The following RABGAP1 variants were observed in gnomAD, a reference collection of about 807,000 sequenced individuals.
RABGAP1 encodes the protein RAB GTPase activating protein 1.
In RABGAP1, 23 loss-of-function variants were observed where a neutral mutation model predicts 137.6. The ratio of observed to expected loss-of-function variants is 0.17; its 90% CI spans 0.12 to 0.24. The LOEUF (loss-of-function observed/expected upper bound fraction) is 0.24, where lower values mean the gene tolerates loss of function less well. RABGAP1 is among the 10% of genes least tolerant of loss of function. The pLI is 1.00. For synonymous variants in RABGAP1, 451 were observed against 450.7 expected, an observed-to-expected ratio of 1.00 and a Z score of -0.01; for missense variants, 906 against 1,275.8, an observed-to-expected ratio of 0.71 and a Z score of 4.42.
rs939534947 is a variant in RABGAP1 at position 123,089,992 on chromosome 9, G to C, written c.2517+142G>C. 6.2e-6 allele frequency: 5 copies of C among 806,130 alleles called. No homozygotes were observed. In the African/African-American group the frequency reaches 8.7e-5, roughly 14 times the overall value. 49.9% of individuals were successfully genotyped at this position (806,130 alleles called of 1,614,324 possible). On this transcript the variant is annotated intron_variant, in intron 20 of 25. Coordinates refer to ENST00000373647, the MANE Select transcript of RABGAP1 (RefSeq NM_012197.4). ...TTTGAGTTTGCAAATTAGCAAGCAA[G>C]ATCTGTTTTTGCTTCAAACCAGCTG...
intron 1 of RABGAP1, among the ~76,000 whole-genome samples, chr9:122,941,955 C>T (rs1833597144): frequency 6.6e-6 from 1 of 152,244 alleles, no homozygotes; most frequent in African/African-American, 2.4e-5. Flanking sequence ...AGTGTTCCCG[C>T]TACTAGTGCT....
intron 13 of RABGAP1, among the ~76,000 whole-genome samples, chr9:123,053,091 G>A (rs1459992149): frequency 6.6e-6 from 1 of 152,118 alleles, no homozygotes; most frequent in African/African-American, 2.4e-5. Context: ...TCCTTAGATG[G>A]GTTCAGTATT....
At chr9:123,041,171 C>A (rs1381744893) in intron 13 of RABGAP1, among the ~76,000 whole-genome samples, 1 of 152,090 alleles carries the variant, frequency 6.6e-6, no homozygotes, top group Non-Finnish European at 1.5e-5. Context: ...GTTAATACTT[C>A]CAACACTGTA....
intron 6 of RABGAP1, among the ~76,000 whole-genome samples, chr9:122,993,824 C>T (rs764985458): frequency 4.0e-5 from 6 of 150,476 alleles, no homozygotes; most frequent in South Asian, 2.1e-4. Context: ...CTGCCACGCC[C>T]GGCTAATTTT....
chr9:123,092,075 G>C (rs1319348872), intron 21 of RABGAP1, among the ~76,000 whole-genome samples: 1 of 152,170 alleles, frequency 6.6e-6, no homozygotes, highest in Non-Finnish European at 1.5e-5. Context: ...GTCTTGAATA[G>C]GAGCCTTTGT....
intron 19 of RABGAP1, among the ~76,000 whole-genome samples, chr9:123,077,428 A>C (rs2034549806): frequency 2.6e-5 from 4 of 152,188 alleles, no homozygotes; most frequent in Non-Finnish European, 5.9e-5. Flanking sequence ...CTGGAATTAC[A>C]GGAGTGAGCC....
chr9:123,020,057 T>G (rs1391825256), intron 12 of RABGAP1, among the ~76,000 whole-genome samples: 1 of 151,858 alleles, frequency 6.6e-6, no homozygotes, highest in African/African-American at 2.4e-5. Context: ...TTTTTTTTTT[T>G]TAAAGTAGAG....
intron 1 of RABGAP1, among the ~76,000 whole-genome samples, chr9:122,947,661 C>T (rs1197442029): frequency 1.3e-5 from 2 of 152,118 alleles, no homozygotes; most frequent in African/African-American, 4.8e-5. Flanking sequence ...ACGGTAGGCT[C>T]AAATTTGCCT....
intron 1 of RABGAP1, among the ~76,000 whole-genome samples, chr9:122,952,298 G>A (rs1024495095): frequency 5.3e-5 from 8 of 151,282 alleles, no homozygotes; most frequent in Admixed American, 4.6e-4. Flanking sequence ...TCGCTCTGTC[G>A]CCCAGGCTGG....
rs146043660 is a variant in RABGAP1 at position 123,064,291 on chromosome 9, A to G, written c.1795-1057A>G. ...GACTATGTTAATAACTAGAAGTAAC[A>G]TATGCCACTAAAGCTCTTTGAAAAG... On this transcript the variant is annotated intron_variant, in intron 13 of 25. Transcript: ENST00000373647. Among the ~76,000 whole-genome samples the G allele has an allele frequency of 5.3e-5, 8 of 152,348 alleles. No individual in the cohort carries two copies. The South Asian group carries it at 1.2e-3, about 24-fold the overall frequency.
At chr9:122,931,745 C>CT in the RABGAP1 span, among the ~76,000 whole-genome samples, 1 of 152,218 alleles carries the variant, frequency 6.6e-6, no homozygotes, top group African/African-American at 2.4e-5. Context: ...TCGTAAGCGT[C>CT]TGTGGCTCAG....
intron 13 of RABGAP1, among the ~76,000 whole-genome samples, chr9:123,023,914 G>T (rs2031804428): frequency 1.3e-5 from 2 of 151,888 alleles, no homozygotes; most frequent in African/African-American, 4.8e-5. Context: ...TCAAAGACTA[G>T]AGCAGGAAAG....
chr9:123,078,595 T>G (rs1239131953), intron 19 of RABGAP1, among the ~76,000 whole-genome samples: 2 of 152,206 alleles, frequency 1.3e-5, no homozygotes, highest in Non-Finnish European at 1.5e-5. Context: ...CTGAGATTCT[T>G]TGAGTCACTC....
chr9:122,994,240 A>C (rs536292552), intron 6 of RABGAP1, among the ~76,000 whole-genome samples: 144 of 152,192 alleles, frequency 9.5e-4, no homozygotes, highest in African/African-American at 3.2e-3. Context: ...CACTGATTAC[A>C]CTCTCCATTC....
chr9:122,935,221 A>G, the RABGAP1 span, among the ~76,000 whole-genome samples: 1 of 152,336 alleles, frequency 6.6e-6, no homozygotes, highest in African/African-American at 2.4e-5. Context: ...ATAACAATCT[A>G]ATTTGAATTG....
chr9:123,075,680 A>G lies in RABGAP1; in HGVS notation c.2254-565A>G, dbSNP rs115926566. On this transcript the variant is annotated intron_variant, in intron 17 of 25. Coordinates refer to ENST00000373647, the MANE Select transcript of RABGAP1 (RefSeq NM_012197.4). ...CCAGGTGGCATGCTAAGTAATTTACATAAACTTTTCAGCTAATTATCTCAG... is the reference window on the plus strand; with the variant it reads ...CCAGGTGGCATGCTAAGTAATTTACGTAAACTTTTCAGCTAATTATCTCAG... Among the ~76,000 whole-genome samples the G allele has an allele frequency of 8.9e-3, 1,351 of 152,352 alleles. 16 individuals are homozygous for G. The highest frequency in any genetic ancestry group is 0.031 in the African/African-American group (1,277 of 41,580).
At chr9:122,993,131 A>G (rs1836828108) in intron 6 of RABGAP1, among the ~76,000 whole-genome samples, 1 of 152,154 alleles carries the variant, frequency 6.6e-6, no homozygotes, top group African/African-American at 2.4e-5. Context: ...TGGTTTATGG[A>G]TATTACTTAT....
intron 13 of RABGAP1, among the ~76,000 whole-genome samples, chr9:123,052,899 C>T (rs986629553): frequency 1.3e-5 from 2 of 152,202 alleles, no homozygotes; most frequent in African/African-American, 4.8e-5. Flanking sequence ...AAGATCACGC[C>T]ACTGCACTCC....
At chr9:122,955,444 C>T (rs1035683781) in intron 1 of RABGAP1, among the ~76,000 whole-genome samples, 7 of 152,138 alleles carry the variant, frequency 4.6e-5, no homozygotes, top group African/African-American at 1.7e-4. Flanking sequence ...TTTTTGAATG[C>T]CATACTATGT....
Sources: gnomAD v4.1 joint callset for allele counts (sites outside exome capture counted in the v4.1 genomes callset) on GRCh38, gnomAD v4.1.1 for gene constraint, MANE v1.5 for transcripts, NCBI Gene and HGNC (gene_info 2026-07-23, HGNC 2026-07-21) for gene names.